PDGFC: variants seen among roughly 807,000 people sequenced by gnomAD.
The protein encoded by PDGFC is platelet derived growth factor C, also known as platelet-derived growth factor C.
A neutral mutation model predicts 35.5 loss-of-function variants in PDGFC; 12 were observed. The ratio of observed to expected loss-of-function variants is 0.34; its 90% CI spans 0.22 to 0.55. The LOEUF (loss-of-function observed/expected upper bound fraction) is 0.55, where lower values mean the gene tolerates loss of function less well. Among genes scored for constraint, PDGFC ranks in the 20% least tolerant of loss-of-function variants. The probability of loss-of-function intolerance (pLI) is 0.91; values close to 1 mark genes in which losing one functional copy is unlikely to be tolerated. For synonymous variants in PDGFC, 159 were observed against 148.8 expected, an observed-to-expected ratio of 1.07 and a Z score of -0.50; for missense variants, 322 against 412.4, an observed-to-expected ratio of 0.78 and a Z score of 1.90.
At chr4:156,939,037 C>G (rs1731746926) in intron 1 of PDGFC, among the ~76,000 whole-genome samples, 1 of 151,950 alleles carries the variant, frequency 6.6e-6, no homozygotes, top group Non-Finnish European at 1.5e-5. Flanking sequence ...CTCCTTGGGT[C>G]TGCAATTTGT....
chr4:156,951,796 T>G (rs1732091199), intron 1 of PDGFC, among the ~76,000 whole-genome samples: 1 of 150,746 alleles, frequency 6.6e-6, no homozygotes, highest in African/African-American at 2.4e-5. Flanking sequence ...AGGGATCAAG[T>G]TAAGTCTTTC....
intron 1 of PDGFC, among the ~76,000 whole-genome samples, chr4:156,891,630 A>G (rs772850148): frequency 2.6e-5 from 4 of 152,212 alleles, no homozygotes; most frequent in Non-Finnish European, 5.9e-5. Flanking sequence ...CCACCTTGCC[A>G]GTAAGAAAAG....
intron 1 of PDGFC, among the ~76,000 whole-genome samples, chr4:156,930,387 G>T (rs1017446950): frequency 6.6e-6 from 1 of 152,188 alleles, no homozygotes; most frequent in Admixed American, 6.5e-5. Flanking sequence ...CAATCTGTAG[G>T]ATCTGTAGGC....
intron 1 of PDGFC, among the ~76,000 whole-genome samples, chr4:156,885,222 G>A (rs1385973144): frequency 2.6e-5 from 4 of 151,864 alleles, no homozygotes; most frequent in African/African-American, 9.7e-5. Context: ...ACACTACACA[G>A]TTTAGCCTCA....
chr4:156,797,054 G>A (rs928429021), intron 3 of PDGFC, among the ~76,000 whole-genome samples: 8 of 151,824 alleles, frequency 5.3e-5, no homozygotes, highest in Non-Finnish European at 1.2e-4. Flanking sequence ...TGGCTAACAC[G>A]GTGAAACCCC....
In PDGFC at chr4:156,940,841, C is replaced by T. The variant is rs200903463; in HGVS notation, c.118+29945G>A. Among the ~76,000 whole-genome samples the T allele has an allele frequency of 5.9e-5, 9 of 152,162 alleles. No homozygotes were observed. The East Asian group carries it at 1.4e-3, about 23-fold the overall frequency. On this transcript the variant is annotated intron_variant, in intron 1 of 5. Transcript: ENST00000502773. ...TTCAGTTGTCTTCAAGTAAGCCAGA[C>T]ATAAGCAAATTTCAAAACTATAAAA...
At chr4:156,867,360 T>G (rs895952326) in intron 1 of PDGFC, among the ~76,000 whole-genome samples, 11 of 152,344 alleles carry the variant, frequency 7.2e-5, no homozygotes, top group Middle Eastern at 3.4e-3. Context: ...ACGACAGAGC[T>G]CTAGGCAATA....
chr4:156,858,386 T>C (rs1196843769), intron 1 of PDGFC, among the ~76,000 whole-genome samples: 1 of 152,092 alleles, frequency 6.6e-6, no homozygotes, highest in Non-Finnish European at 1.5e-5. Context: ...ATAGGATAAA[T>C]GGCCAAGTAT....
At chr4:156,863,431 C>T (rs1729764128) in intron 1 of PDGFC, among the ~76,000 whole-genome samples, 1 of 152,118 alleles carries the variant, frequency 6.6e-6, no homozygotes, top group Non-Finnish European at 1.5e-5. Flanking sequence ...CAACTCAGCC[C>T]ACTGAGTGTA....
chr4:156,894,080 C>T (rs2165830), intron 1 of PDGFC, among the ~76,000 whole-genome samples: 1 of 152,124 alleles, frequency 6.6e-6, no homozygotes, highest in Non-Finnish European at 1.5e-5. Flanking sequence ...AATTGATCAG[C>T]TATTCACATT....
At chr4:156,854,453 C>A (rs757635137) in intron 1 of PDGFC, among the ~76,000 whole-genome samples, 5 of 151,762 alleles carry the variant, frequency 3.3e-5, no homozygotes, top group African/African-American at 1.2e-4. Context: ...AAAATCTGGG[C>A]CTTATTTGTG....
chr4:156,809,439 T>C (rs1169003258), intron 3 of PDGFC, among the ~76,000 whole-genome samples: 1 of 152,018 alleles, frequency 6.6e-6, no homozygotes, highest in African/African-American at 2.4e-5. Context: ...ACAAGTCTTA[T>C]GAATCTGACA....
intron 1 of PDGFC, among the ~76,000 whole-genome samples, chr4:156,905,646 C>T (rs959850523): frequency 2.0e-5 from 3 of 152,082 alleles, no homozygotes; most frequent in African/African-American, 7.2e-5. Context: ...AAATATGTCT[C>T]TAGTTCTCTC....
At chr4:156,873,624 T>C (rs1051342450) in intron 1 of PDGFC, among the ~76,000 whole-genome samples, 6 of 152,150 alleles carry the variant, frequency 3.9e-5, no homozygotes, top group Admixed American at 1.3e-4. Flanking sequence ...TACTGAATAA[T>C]AGCACAAAAG....
chr4:156,897,383 T>TGTGTGTGA (rs1730660507), intron 1 of PDGFC, among the ~76,000 whole-genome samples: 6 of 150,364 alleles, frequency 4.0e-5, no homozygotes, highest in Admixed American at 2.6e-4. Context: ...TGTGTGTGTG[T>TGTGTGTGA]CAAAAGCATT....
rs180714130 is a variant in PDGFC at position 156,829,866 on chromosome 4, C to A, written c.315-18849G>T. ...CTCTCTGCAAACACCAAGGATCAAT[C>A]GTGCATCACTTCTCAATTTTATTAA... On this transcript the variant is annotated intron_variant, in intron 2 of 5. Transcript: ENST00000502773. Among the ~76,000 whole-genome samples the A allele has an allele frequency of 4.6e-5, 7 of 152,094 alleles. No individual in the cohort carries two copies. The East Asian group carries it at 1.4e-3, about 29-fold the overall frequency.
chr4:156,855,998 T>C (rs1729571200), intron 1 of PDGFC, among the ~76,000 whole-genome samples: 1 of 152,162 alleles, frequency 6.6e-6, no homozygotes, highest in African/African-American at 2.4e-5. Flanking sequence ...AATTGCAAAC[T>C]ATATAGAATT....
At chr4:156,772,314 G>A (rs1730712104) in intron 4 of PDGFC, among the ~76,000 whole-genome samples, 2 of 152,008 alleles carry the variant, frequency 1.3e-5, no homozygotes, top group Admixed American at 1.3e-4. Flanking sequence ...TCCCTAACCT[G>A]GTTTTGCAGC....
chr4:156,956,540 G>C (rs1009718306), intron 1 of PDGFC, among the ~76,000 whole-genome samples: 9 of 152,082 alleles, frequency 5.9e-5, no homozygotes, highest in African/African-American at 1.9e-4. Context: ...GCAAATGATC[G>C]ATTGTGGGTG....
Sources: allele counts gnomAD v4.1 joint callset (sites outside exome capture counted in the v4.1 genomes callset), GRCh38; gene constraint gnomAD v4.1.1; transcripts MANE v1.5; gene names NCBI Gene and HGNC (gene_info 2026-07-23, HGNC 2026-07-21).